Variants in OXNAD1 observed in about 807,000 individuals in gnomAD.
OXNAD1 encodes oxidoreductase NAD binding domain containing 1, also known as oxidoreductase NAD-binding domain-containing protein 1.
A neutral mutation model predicts 32.9 loss-of-function variants in OXNAD1; 34 were observed. The ratio of observed to expected loss-of-function variants is 1.03; its 90% CI spans 0.79 to 1.38. The LOEUF is 1.38. Ranked by LOEUF, OXNAD1 falls within the 40% of genes most tolerant of loss-of-function variation. OXNAD1 has a pLI of 0.00. For missense variants in OXNAD1, 407 were observed against 379.4 expected (o/e 1.07, Z -0.60); for synonymous variants, 134 against 135.2 (o/e 0.99, Z 0.06).
chr3:16,311,384 G>C (rs7652886), intron 9 of OXNAD1, among the ~76,000 whole-genome samples: 1 of 152,038 alleles, frequency 6.6e-6, no homozygotes, highest in Non-Finnish European at 1.5e-5. Context: ...TAGAGACAGG[G>C]TTTCACCATG....
chr3:16,319,345 CATTATAGT>C (rs2068786567), intron 9 of OXNAD1, among the ~76,000 whole-genome samples: 1 of 152,166 alleles, frequency 6.6e-6, no homozygotes, highest in Admixed American at 6.5e-5. Context: ...AATGTCAAAG[CATTATAGT>C]ATGGGTTCAA....
At chr3:16,331,970 T>G (rs1406933868) in intron 9 of OXNAD1, among the ~76,000 whole-genome samples, 1 of 152,246 alleles carries the variant, frequency 6.6e-6, no homozygotes, top group East Asian at 1.9e-4. Context: ...GCAATGCTAT[T>G]GAGATAATCT....
At position 16,302,658 on chromosome 3, in the gene OXNAD1, G is replaced by T. The variant is rs367677916; in HGVS notation, c.694G>T (p.Val232Leu). 2 of 1,611,274 alleles carry T rather than the reference G, an allele frequency of 1.2e-6. No individual in the cohort carries two copies. Among genetic ancestry groups the T allele is most frequent in the African/African-American group, 2.7e-5 (2 of 74,824 alleles). Reference sequence around the variant, plus strand: ...ATTCCAGAAAAATATCCTTGATTTAGTAAATGAATTTCCTGAGAAGATTGC... The same window carrying T: ...ATTCCAGAAAAATATCCTTGATTTATTAAATGAATTTCCTGAGAAGATTGC... ...LLFKKNILDLVNEFPEKIACS... is the reference protein window; with the variant it reads ...LLFKKNILDLLNEFPEKIACS... Residue 232 changes from valine (V) to leucine (L), a missense_variant, in exon 8 of 9, where the codon GTA becomes TTA. Physicochemically the swap from Val to Leu is conservative, Grantham distance 32. Coordinates refer to ENST00000285083, the MANE Select transcript of OXNAD1 (RefSeq NM_138381.5). This position sits in a 1 kb window ranked among gnomAD's most constrained non-coding sequence, Gnocchi z 4.2.
At chr3:16,325,799 A>G (rs2069630216) in intron 9 of OXNAD1, among the ~76,000 whole-genome samples, 1 of 152,202 alleles carries the variant, frequency 6.6e-6, no homozygotes, top group Admixed American at 6.5e-5. Context: ...ATCAGTTGTC[A>G]CCATGATTCT....
chr3:16,352,000 C>A (rs1037868764), downstream of OXNAD1, among the ~76,000 whole-genome samples: 15 of 152,322 alleles, frequency 9.8e-5, 2 homozygotes, highest in East Asian at 3.9e-4. This position sits in a 1 kb window ranked among gnomAD's most constrained non-coding sequence, Gnocchi z 5.4. Context: ...AAAGATGAGG[C>A]AGAACTCTAC....
chr3:16,329,290 C>G lies in OXNAD1; in HGVS notation c.*31-7822C>G, dbSNP rs1182963645. Reference sequence around the variant, plus strand: ...GTCTGTCCTTTATAAATTGCCTGATCTCAGGTATCCTGTTACAACAGCACA... The same window carrying G: ...GTCTGTCCTTTATAAATTGCCTGATGTCAGGTATCCTGTTACAACAGCACA... On this transcript the variant is annotated intron_variant, in intron 9 of 9. Transcript: ENST00000435829. This position sits in a 1 kb window ranked among gnomAD's most constrained non-coding sequence, Gnocchi z 4.5. 2.0e-5 allele frequency among the ~76,000 whole-genome samples: 3 copies of G among 152,160 alleles called. No individual in the cohort carries two copies. The highest frequency in any genetic ancestry group is 2.9e-5 in the Non-Finnish European group (2 of 68,036).
chr3:16,350,569 A>G (rs1364454803), downstream of OXNAD1, among the ~76,000 whole-genome samples: 1 of 151,960 alleles, frequency 6.6e-6, no homozygotes, highest in Non-Finnish European at 1.5e-5. Flanking sequence ...TGTCAAGGTG[A>G]GTGGCACACA....
chr3:16,351,864 G>A (rs2292802), downstream of OXNAD1, among the ~76,000 whole-genome samples: 4,559 of 151,994 alleles, frequency 0.03, 100 homozygotes, highest in Middle Eastern at 0.082. This position sits in a 1 kb window ranked among gnomAD's most constrained non-coding sequence, Gnocchi z 5.4. Flanking sequence ...TGTTGGGTGA[G>A]GGGACTAGAA....
chr3:16,324,105 G>GTT (rs560856336), intron 9 of OXNAD1, among the ~76,000 whole-genome samples: 21 of 93,744 alleles, frequency 2.2e-4, no homozygotes, highest in African/African-American at 6.2e-4. Flanking sequence ...GAAGATCACT[G>GTT]TTTTTTTTTT....
chr3:16,343,464 C>T (rs564907057), intron 9 of OXNAD1, among the ~76,000 whole-genome samples: 7 of 152,344 alleles, frequency 4.6e-5, no homozygotes, highest in African/African-American at 1.7e-4. Context: ...CCAAGATAAA[C>T]ATGTCCAATT....
chr3:16,334,137 C>T lies in OXNAD1; in HGVS notation c.*31-2975C>T, dbSNP rs758364318. On this transcript the variant is annotated intron_variant, in intron 9 of 9. Transcript: ENST00000435829. This position sits in a 1 kb window ranked among gnomAD's most constrained non-coding sequence, Gnocchi z 4.3. ...CCGAGATCGTGCCACTGCACTCCAGCCTGGGCGACAGAGCAAGACTCTGTC... is the reference window on the plus strand; with the variant it reads ...CCGAGATCGTGCCACTGCACTCCAGTCTGGGCGACAGAGCAAGACTCTGTC... Among the ~76,000 whole-genome samples the T allele has an allele frequency of 9.9e-5, 15 of 152,154 alleles. No individual in the cohort carries two copies. The highest frequency in any genetic ancestry group is 1.9e-4 in the Non-Finnish European group (13 of 68,018).
chr3:16,326,291 G>A (rs2069680191), intron 9 of OXNAD1, among the ~76,000 whole-genome samples: 2 of 152,252 alleles, frequency 1.3e-5, no homozygotes, highest in South Asian at 4.1e-4. Context: ...TGTGGAGCTG[G>A]TGACCAGTGC....
chr3:16,315,240 C>T (rs994405794), intron 9 of OXNAD1, among the ~76,000 whole-genome samples: 3 of 152,236 alleles, frequency 2.0e-5, no homozygotes, highest in South Asian at 4.1e-4. Context: ...CTCAGCCTCC[C>T]GAGTAGCTGA....
chr3:16,302,009 T>A lies in OXNAD1; in HGVS notation c.675+141T>A. The stretch of plus-strand genomic sequence containing the variant: ...GATTTAATCATGCTTAAATGAGAAC[T>A]AACCAACACACCTTACCCAAGACAA... On this transcript the variant is annotated intron_variant, in intron 7 of 8. Transcript: ENST00000285083. This position sits in a 1 kb window ranked among gnomAD's most constrained non-coding sequence, Gnocchi z 4.2. 9.3e-7 allele frequency: 1 copy of A among 1,069,670 alleles called. No homozygotes were observed. Among genetic ancestry groups the A allele is most frequent in the Non-Finnish European group, 1.3e-6 (1 of 758,704 alleles). 66.3% of individuals were successfully genotyped at this position (1,069,670 alleles called of 1,614,324 possible).
chr3:16,282,725 T>C (rs1043672844), intron 4 of OXNAD1, among the ~76,000 whole-genome samples: 10 of 151,208 alleles, frequency 6.6e-5, no homozygotes, highest in African/African-American at 2.4e-4. Flanking sequence ...TAGGTACCTT[T>C]GAGGACCAGC....
At position 16,344,789 on chromosome 3, in the gene OXNAD1, A is replaced by C. The variant is rs915891394; in HGVS notation, c.*31-4387A>C. On this transcript the variant is annotated intron_variant, in intron 9 of 9. Coordinates refer to the OXNAD1 transcript ENST00000606098. This position sits in a 1 kb window ranked among gnomAD's most constrained non-coding sequence, Gnocchi z 4.4. ...ACCCATAGGCCCTTCCTTTTTATTT[A>C]GTTGTATTAAAAGCCTTGGCCAGGT... Among the ~76,000 whole-genome samples the C allele has an allele frequency of 6.6e-6, 1 of 152,170 alleles. No homozygotes were observed. The highest frequency in any genetic ancestry group is 2.4e-5 in the African/African-American group (1 of 41,418).
At chr3:16,278,154 C>T (rs146859796) in intron 4 of OXNAD1, among the ~76,000 whole-genome samples, 45 of 152,296 alleles carry the variant, frequency 3.0e-4, no homozygotes, top group African/African-American at 1.1e-3. Flanking sequence ...GTGCCAGACC[C>T]TGGGCCAGAT....
Position 16,302,807 on chromosome 3 carries a change from T to G in OXNAD1, c.784+59T>G. ...TGCAGTTATTTGATGGACACACCAGTTGGTTGAGCGTAGATGCTTTATTGT... is the reference window on the plus strand; with the variant it reads ...TGCAGTTATTTGATGGACACACCAGGTGGTTGAGCGTAGATGCTTTATTGT... On this transcript the variant is annotated intron_variant, in intron 8 of 8. Coordinates refer to ENST00000285083, the MANE Select transcript of OXNAD1 (RefSeq NM_138381.5). This position sits in a 1 kb window ranked among gnomAD's most constrained non-coding sequence, Gnocchi z 4.2. 8 of 1,311,292 alleles carry G rather than the reference T, an allele frequency of 6.1e-6. No individual in the cohort carries two copies. Among genetic ancestry groups the G allele is most frequent in the Non-Finnish European group, 1.1e-6 (1 of 919,592 alleles). 81.2% of individuals were successfully genotyped at this position (1,311,292 alleles called of 1,614,324 possible). A position where few individuals can be genotyped will look rare whatever the true frequency, so the allele number is the denominator to read the frequency against.
rs191966912 is a variant in OXNAD1 at position 16,277,776 on chromosome 3, T to G, written c.183+6054T>G. On this transcript the variant is annotated intron_variant, in intron 4 of 8. Coordinates refer to ENST00000285083, the MANE Select transcript of OXNAD1 (RefSeq NM_138381.5). This position sits in a 1 kb window ranked among gnomAD's most constrained non-coding sequence, Gnocchi z 4.3. ...GAATGACCATTTATGATGTTTATGC[T>G]TCTTACTTGGGACTGTAACTGTAAG... Among the ~76,000 whole-genome samples, 205 of 152,376 alleles carry G rather than the reference T, an allele frequency of 1.3e-3. 2 individuals are homozygous for G. The highest frequency in any genetic ancestry group is 3.5e-3 in the Admixed American group (54 of 15,310).
Sources: allele counts gnomAD v4.1 joint callset (sites outside exome capture counted in the v4.1 genomes callset), GRCh38; gene constraint gnomAD v4.1.1; non-coding constraint Gnocchi (gnomAD v3.1); transcripts MANE v1.5; gene names NCBI Gene and HGNC (gene_info 2026-07-23, HGNC 2026-07-21).